Variants in DRICH1 observed in about 807,000 individuals in gnomAD.
DRICH1 encodes aspartate rich 1, also known as aspartate-rich protein 1.
DRICH1 carries 38 observed loss-of-function variants against 39.5 expected under a neutral mutation model. The observed-to-expected ratio is 0.96, with a 90% CI of 0.74 to 1.26. The LOEUF (loss-of-function observed/expected upper bound fraction) is 1.26, where lower values mean the gene tolerates loss of function less well. Ranked by LOEUF, DRICH1 falls within the 50% of genes most tolerant of loss-of-function variation. The pLI is 0.00. For missense variants in DRICH1, 279 were observed against 270.4 expected, an observed-to-expected ratio of 1.03 and a Z score of -0.22; for synonymous variants, 84 against 99.5, an observed-to-expected ratio of 0.84 and a Z score of 0.93.
chr22:23,588,828 G>A, the DRICH1 span, among the ~76,000 whole-genome samples: 1 of 152,088 alleles, frequency 6.6e-6, no homozygotes, highest in African/African-American at 2.4e-5. Context: ...ATGGAGAAGG[G>A]GACTGTAGGA....
chr22:23,589,993 C>G, the DRICH1 span, among the ~76,000 whole-genome samples: 1 of 152,174 alleles, frequency 6.6e-6, no homozygotes, highest in East Asian at 1.9e-4. Flanking sequence ...GCTCGATCCC[C>G]GGATGTCTAT....
At chr22:23,582,393 C>T in the DRICH1 span, among the ~76,000 whole-genome samples, 3 of 151,364 alleles carry the variant, frequency 2.0e-5, no homozygotes, top group Non-Finnish European at 2.9e-5. Context: ...TCAACACCAA[C>T]TTCCCATTCC....
chr22:23,624,223 G>A (rs933000228), intron 3 of DRICH1: 26 of 985,266 alleles, frequency 2.6e-5, no homozygotes, highest in African/African-American at 3.5e-5. Flanking sequence ...CTGTCTCCAG[G>A]AGTGAGTAAC....
At chr22:23,622,518 T>TCAAGATCGTGTCAATACA (rs1555909870) in intron 3 of DRICH1, among the ~76,000 whole-genome samples, 23 of 151,960 alleles carry the variant, frequency 1.5e-4, no homozygotes, top group Admixed American at 1.0e-3. Context: ...CTTAATGTAT[T>TCAAGATCGTGTCAATACA]CAAGATCGTG....
chr22:23,607,814 C>T (rs557269119), downstream of DRICH1, among the ~76,000 whole-genome samples: 9 of 152,326 alleles, frequency 5.9e-5, no homozygotes, highest in Non-Finnish European at 1.3e-4. Flanking sequence ...CCACTGTGAC[C>T]ACCATCCTTG....
At chr22:23,615,435 T>A (rs568472828) in intron 8 of DRICH1, among the ~76,000 whole-genome samples, 4 of 152,282 alleles carry the variant, frequency 2.6e-5, no homozygotes, top group African/African-American at 2.4e-5. Context: ...AATATTGGTA[T>A]AAGAAACCAA....
chr22:23,581,365 G>A, the DRICH1 span: 3 of 152,272 alleles, frequency 2.0e-5, no homozygotes, highest in African/African-American at 7.2e-5. Flanking sequence ...AGTCAGGAGG[G>A]ACTGAGCACC....
At chr22:23,591,211 A>G in the DRICH1 span, among the ~76,000 whole-genome samples, 6 of 152,118 alleles carry the variant, frequency 3.9e-5, no homozygotes, top group Non-Finnish European at 5.9e-5. Flanking sequence ...TTGAGGCAAA[A>G]GGAAGAAAAA....
Position 23,622,014 on chromosome 22 carries a change from T to C in DRICH1, c.384+77A>G, listed in dbSNP as rs917110017. On this transcript the variant is annotated intron_variant, in intron 4 of 11. Transcript: ENST00000317749. ...TTTATAGCTCCCTGAGTCCATTCTT[T>C]GGGATTGGACTGGTGAGTTTGTTTC... is the stretch of plus-strand genomic sequence containing the variant. 1.7e-5 allele frequency: 23 copies of C among 1,368,258 alleles called. No homozygotes were observed. The African/African-American group carries it at 3.1e-4, about 19-fold the overall frequency. 84.8% of individuals were successfully genotyped at this position (1,368,258 alleles called of 1,614,324 possible).
At chr22:23,604,150 C>T (rs1254979912), downstream of DRICH1, among the ~76,000 whole-genome samples, 1 of 152,094 alleles carries the variant, frequency 6.6e-6, no homozygotes, top group Admixed American at 6.5e-5. Flanking sequence ...TCATCGATTC[C>T]CTGCAAACAG....
At chr22:23,626,515 A>G (rs980441219) in intron 1 of DRICH1, among the ~76,000 whole-genome samples, 3 of 152,204 alleles carry the variant, frequency 2.0e-5, no homozygotes, top group African/African-American at 4.8e-5. Context: ...TAGGTTCCAA[A>G]GCAACAGGTG....
chr22:23,609,973 G>C (rs9624229), intron 11 of DRICH1, among the ~76,000 whole-genome samples: 2 of 151,632 alleles, frequency 1.3e-5, no homozygotes, highest in East Asian at 1.9e-4. Flanking sequence ...CTCCCTCCCT[G>C]CCCCTCATGC....
Position 23,632,189 on chromosome 22 carries a change from G to A in DRICH1, c.-166C>T. 2 of 1,130,596 alleles carry A rather than the reference G, an allele frequency of 1.8e-6. No homozygotes were observed. Among genetic ancestry groups the A allele is most frequent in the African/African-American group, 3.1e-5 (2 of 63,826 alleles). 70.0% of individuals were successfully genotyped at this position (1,130,596 alleles called of 1,614,324 possible). A position where few individuals can be genotyped will look rare whatever the true frequency, so the allele number is the denominator to read the frequency against. On this transcript the variant is annotated 5_prime_UTR_variant, in exon 1 of 12. Transcript: ENST00000317749. ...TATTCTGCCGCCACCTCCCAAACTAGCTGGTCTATGAGGTCAGGGACCTGC... is the reference window on the plus strand; with the variant it reads ...TATTCTGCCGCCACCTCCCAAACTAACTGGTCTATGAGGTCAGGGACCTGC...
intron 6 of DRICH1, among the ~76,000 whole-genome samples, chr22:23,618,397 A>C (rs1927503206): frequency 6.6e-6 from 1 of 152,070 alleles, no homozygotes; most frequent in African/African-American, 2.4e-5. Flanking sequence ...TACAGGGGTG[A>C]GCCACCGCAC....
At chr22:23,590,820 T>C in the DRICH1 span, among the ~76,000 whole-genome samples, 1 of 152,004 alleles carries the variant, frequency 6.6e-6, no homozygotes, top group Admixed American at 6.6e-5. Flanking sequence ...GGGTTCACCA[T>C]GTTGGCCAGG....
the DRICH1 span, among the ~76,000 whole-genome samples, chr22:23,598,136 C>G: frequency 6.7e-6 from 1 of 149,664 alleles, no homozygotes. Context: ...TCACCTCAGA[C>G]CTCGCTGTCC....
intron 6 of DRICH1, among the ~76,000 whole-genome samples, chr22:23,618,811 T>C (rs1355983542): frequency 6.6e-6 from 1 of 152,132 alleles, no homozygotes; most frequent in African/African-American, 2.4e-5. Context: ...TGATTTTTGG[T>C]TAACTAGCTT....
chr22:23,595,789 TCTC>T, the DRICH1 span, among the ~76,000 whole-genome samples: 1 of 152,064 alleles, frequency 6.6e-6, no homozygotes, highest in East Asian at 1.9e-4. Flanking sequence ...CATAGCTCCT[TCTC>T]CTCCACTCTC....
chr22:23,616,801 T>C, intron 8 of DRICH1, 52 bp downstream of exon 8: 1 of 1,609,850 alleles, frequency 6.2e-7, no homozygotes, highest in Non-Finnish European at 8.5e-7. Flanking sequence ...TTTCCATATA[T>C]TAAAGCCAGC....
Sources: allele counts gnomAD v4.1 joint callset (sites outside exome capture counted in the v4.1 genomes callset), GRCh38; gene constraint gnomAD v4.1.1; transcripts MANE v1.5; gene names NCBI Gene and HGNC (gene_info 2026-07-23, HGNC 2026-07-21).